The following BEND3 variants were observed in gnomAD, a reference collection of about 807,000 sequenced individuals.
BEND3 encodes BEN domain containing 3, also known as BEN domain-containing protein 3.
Under a neutral mutation model 60.1 loss-of-function variants are expected in BEND3, and 13 were observed. That is an observed-to-expected ratio of 0.22 (90% CI 0.14 to 0.34). The LOEUF is 0.34. Ranked by LOEUF, BEND3 falls within the 10% of genes least tolerant of loss-of-function variation. The probability of loss-of-function intolerance (pLI) is 1.00; values close to 1 mark genes in which losing one functional copy is unlikely to be tolerated. For synonymous variants in BEND3, 497 were observed against 491.5 expected (o/e 1.01, Z -0.15); for missense variants, 896 against 1,138.1 (o/e 0.79, Z 3.06).
chr6:107,068,656 A>G lies in BEND3; in HGVS notation c.*48T>C. The G allele has an allele frequency of 1.9e-6, 3 of 1,579,144 alleles. No individual in the cohort carries two copies. Among genetic ancestry groups the G allele is most frequent in the Middle Eastern group, 1.8e-4 (1 of 5,422 alleles). On this transcript the variant is annotated 3_prime_UTR_variant, in exon 4 of 4. Transcript: ENST00000369042. The surrounding 1 kb of genome is among the most constrained non-coding windows in gnomAD (Gnocchi z 5.8). ...GTATTGCTCAGTCCCAAGGGTGCCC[A>G]TCGCTCAGCCTCTGGTGACCCCGAA...
At chr6:107,114,101 C>G (rs1366088878) in intron 1 of BEND3, 1 of 152,258 alleles carries the variant, frequency 6.6e-6, no homozygotes, top group Non-Finnish European at 1.5e-5. Context: ...ACTTTTATCT[C>G]TGTAAAAACA....
In BEND3 at chr6:107,070,591, G is replaced by C. The variant is rs1554231877; in HGVS notation, c.600C>G (p.Phe200Leu). The C allele has an allele frequency of 1.9e-6, 3 of 1,612,624 alleles. No individual in the cohort carries two copies. The highest frequency in any genetic ancestry group is 1.1e-5 in the South Asian group (1 of 90,996). Residue 200 changes from phenylalanine to leucine, a missense_variant, in exon 4 of 4, where the codon TTC becomes TTG. By Grantham distance (22) the Phe-to-Leu change is conservative. Around this residue, in one of 4 missense-constraint regions of BEND3, gnomAD observed 846 missense variants for 1,036.7 expected, o/e 0.82. Coordinates refer to ENST00000369042, the MANE Select transcript of BEND3 (RefSeq NM_001367314.1). This position sits in a 1 kb window ranked among gnomAD's most constrained non-coding sequence, Gnocchi z 6.9. ...PNIYFLIQKM[F>L]YMLNTLTSNM... ...TGGACGTGAGGGTGTTCAGCATGTAGAACATCTTCTGGATCAGGAAGTAGA... is the reference window on the plus strand; with the variant it reads ...TGGACGTGAGGGTGTTCAGCATGTACAACATCTTCTGGATCAGGAAGTAGA...
At chr6:107,112,763 G>A (rs576065351) in intron 1 of BEND3, among the ~76,000 whole-genome samples, 69 of 148,902 alleles carry the variant, frequency 4.6e-4, no homozygotes, top group African/African-American at 1.7e-3. Context: ...TGAGGCAGGA[G>A]AATCACTTGA....
Position 107,065,589 on chromosome 6 carries a change from C to T in BEND3, c.*3115G>A, listed in dbSNP as rs1060369. The T allele has an allele frequency of 0.43, 64,731 of 152,018 alleles. 14,243 individuals carry two copies. The highest frequency in any genetic ancestry group is 0.52 in the African/African-American group (21,449 of 41,454). 9.4% of individuals were successfully genotyped at this position (152,018 alleles called of 1,614,324 possible). A position where few individuals can be genotyped will look rare whatever the true frequency, so the allele number is the denominator to read the frequency against. ...GGGGTGCAAGCTCACGACCTCCACT[C>T]GGGAGTCTCGAGATCCCCTCTTGAC... On this transcript the variant is annotated 3_prime_UTR_variant, in exon 4 of 4. Transcript: ENST00000369042.
At position 107,108,836 on chromosome 6, in the gene BEND3, C is replaced by T. The variant is rs1044516838; in HGVS notation, c.-12+6254G>A. 2.6e-5 allele frequency among the ~76,000 whole-genome samples: 4 copies of T among 152,242 alleles called. No homozygotes were observed. In the East Asian group the frequency reaches 5.8e-4, roughly 22 times the overall value. The stretch of plus-strand genomic sequence containing the variant: ...GATTGATTGATTTGAGATGGAGTCT[C>T]GCTCTGTTGCCCAGGATGGAGTGCA... On this transcript the variant is annotated intron_variant, in intron 1 of 3. Coordinates refer to ENST00000369042, the MANE Select transcript of BEND3 (RefSeq NM_001367314.1).
intron 3 of BEND3, among the ~76,000 whole-genome samples, chr6:107,088,722 T>C (rs1775408508): frequency 6.6e-6 from 1 of 152,152 alleles, no homozygotes; most frequent in African/African-American, 2.4e-5. Flanking sequence ...AACTGCAGGA[T>C]ACAAAAACAA....
chr6:107,065,747 T>C lies in BEND3; in HGVS notation c.*2957A>G, dbSNP rs2114987664. ...AATAGCCAATCTATTCACCACTAAGTAGATCCCATTGGTTGGTTGGTTGAT... is the reference window on the plus strand; with the variant it reads ...AATAGCCAATCTATTCACCACTAAGCAGATCCCATTGGTTGGTTGGTTGAT... On this transcript the variant is annotated 3_prime_UTR_variant, in exon 4 of 4. Coordinates refer to ENST00000369042, the MANE Select transcript of BEND3 (RefSeq NM_001367314.1). The C allele has an allele frequency of 2.0e-5, 3 of 152,262 alleles. No individual in the cohort carries two copies. The South Asian group carries it at 6.2e-4, about 32-fold the overall frequency. The allele number at this position is 152,262 out of a possible 1,614,324, so 9.4% of individuals were successfully genotyped here.
At chr6:107,093,103 C>G (rs145977736) in intron 3 of BEND3, among the ~76,000 whole-genome samples, 83 of 152,290 alleles carry the variant, frequency 5.5e-4, no homozygotes, top group African/African-American at 1.9e-3. Flanking sequence ...TCCCAGCAAG[C>G]TATTTTGCTG....
chr6:107,083,087 A>G (rs148370578), intron 3 of BEND3, among the ~76,000 whole-genome samples: 4 of 152,344 alleles, frequency 2.6e-5, no homozygotes, highest in African/African-American at 9.6e-5. Flanking sequence ...ACATCTAAAT[A>G]TCAATCACAA....
chr6:107,113,229 G>C (rs1434488405), intron 1 of BEND3, among the ~76,000 whole-genome samples: 1 of 151,436 alleles, frequency 6.6e-6, no homozygotes, highest in Non-Finnish European at 1.5e-5. Flanking sequence ...ATCACCTGAG[G>C]TCCGGAAACC....
Position 107,076,881 on chromosome 6 carries a change from G to A in BEND3, c.241-5931C>T, listed in dbSNP as rs1211314606. Among the ~76,000 whole-genome samples, 3 of 151,876 alleles carry A rather than the reference G, an allele frequency of 2.0e-5. No individual in the cohort carries two copies. The East Asian group carries it at 5.8e-4, about 29-fold the overall frequency. On this transcript the variant is annotated intron_variant, in intron 3 of 3. Transcript: ENST00000369042. Reference sequence around the variant, plus strand: ...AGGATCTCACTCTGTTGCCCAGGCTGGAGTGCAGTGATGTGATCTTGGCTC... The same window carrying A: ...AGGATCTCACTCTGTTGCCCAGGCTAGAGTGCAGTGATGTGATCTTGGCTC...
intron 3 of BEND3, among the ~76,000 whole-genome samples, chr6:107,096,528 C>T (rs1775588901): frequency 6.6e-6 from 1 of 152,136 alleles, no homozygotes; most frequent in Non-Finnish European, 1.5e-5. Flanking sequence ...AGGAGAATCG[C>T]TTGAACAAGG....
At chr6:107,097,785 CG>C (rs1775616866) in intron 3 of BEND3, among the ~76,000 whole-genome samples, 1 of 99,340 alleles carries the variant, frequency 1.0e-5, no homozygotes, top group South Asian at 4.0e-4. Context: ...AGCAAAACTC[CG>C]TCTCAAAAAA....
chr6:107,098,774 G>A (rs1158937462), intron 2 of BEND3, 21 bp from the exon 3 acceptor site: 8 of 1,606,654 alleles, frequency 5.0e-6, no homozygotes, highest in South Asian at 1.1e-5. Context: ...GAAGAAATAG[G>A]GCTCAGTGGG....
chr6:107,078,047 T>G (rs1178617423), intron 3 of BEND3, among the ~76,000 whole-genome samples: 2 of 152,340 alleles, frequency 1.3e-5, no homozygotes, highest in South Asian at 2.1e-4. Context: ...ACTTTGGCTA[T>G]GCACCTCCCA....
At position 107,065,678 on chromosome 6, in the gene BEND3, T is replaced by C. The variant is rs1336154268; in HGVS notation, c.*3026A>G. 1.3e-5 allele frequency: 2 copies of C among 152,196 alleles called. No homozygotes were observed. The highest frequency in any genetic ancestry group is 2.9e-5 in the Non-Finnish European group (2 of 68,048). The allele number at this position is 152,196 out of a possible 1,614,324, so 9.4% of individuals were successfully genotyped here. On this transcript the variant is annotated 3_prime_UTR_variant, in exon 4 of 4. Coordinates refer to ENST00000369042, the MANE Select transcript of BEND3 (RefSeq NM_001367314.1). ...GGAGGCCATCTCTAAATGAACCCAG[T>C]GGTCATGCTGTGGTGTGGTCAGACC...
At chr6:107,112,688 T>C (rs570686506) in intron 1 of BEND3, among the ~76,000 whole-genome samples, 2 of 151,956 alleles carry the variant, frequency 1.3e-5, no homozygotes, top group African/African-American at 4.8e-5. Flanking sequence ...ATCCCCTCTC[T>C]ACTAAAAATA....
In BEND3 at chr6:107,068,622, T is replaced by TGCTCCCAAGTATTGCTC; in HGVS notation, c.*65_*81dup. On this transcript the variant is annotated 3_prime_UTR_variant, in exon 4 of 4. Coordinates refer to ENST00000369042, the MANE Select transcript of BEND3 (RefSeq NM_001367314.1). This position sits in a 1 kb window ranked among gnomAD's most constrained non-coding sequence, Gnocchi z 5.8. ...TGCCTGTCTGTGGATGCCATAGGCGTGCTCCCAAGTATTGCTCAGTCCCAA... is the reference window on the plus strand; with the variant it reads ...TGCCTGTCTGTGGATGCCATAGGCGTGCTCCCAAGTATTGCTCGCTCCCAAGTATTGCTCAGTCCCAA... 6.8e-7 allele frequency: 1 copy of TGCTCCCAAGTATTGCTC among 1,475,766 alleles called. No individual in the cohort carries two copies. The highest frequency in any genetic ancestry group is 9.1e-7 in the Non-Finnish European group (1 of 1,093,740). 91.4% of individuals were successfully genotyped at this position (1,475,766 alleles called of 1,614,324 possible). A position where few individuals can be genotyped will look rare whatever the true frequency, so the allele number is the denominator to read the frequency against.
chr6:107,100,618 A>AGGC (rs1775684191), intron 1 of BEND3, among the ~76,000 whole-genome samples: 2 of 152,144 alleles, frequency 1.3e-5, no homozygotes, highest in Non-Finnish European at 2.9e-5. Flanking sequence ...GCAGGGTCTG[A>AGGC]AGCAAAACCT....
Sources: allele counts gnomAD v4.1 joint callset (sites outside exome capture counted in the v4.1 genomes callset), GRCh38; gene constraint gnomAD v4.1.1; regional missense constraint gnomAD v4.1.1; non-coding constraint Gnocchi (gnomAD v3.1); transcripts MANE v1.5; gene names NCBI Gene and HGNC (gene_info 2026-07-23, HGNC 2026-07-21).